The following SKA2 variants were observed in gnomAD, a reference collection of about 807,000 sequenced individuals.
SKA2 encodes the protein spindle and kinetochore associated complex subunit 2, also known as spindle and kinetochore-associated protein 2.
Under a neutral mutation model 16.9 loss-of-function variants are expected in SKA2, and 13 were observed. That is an observed-to-expected ratio of 0.77 (90% confidence interval 0.50 to 1.22). The LOEUF is 1.22. Among genes scored for constraint, SKA2 ranks in the 50% most tolerant of loss-of-function variants. The pLI, the probability that SKA2 is intolerant of heterozygous loss-of-function variation, is 0.00. For missense variants in SKA2, 107 were observed against 139.7 expected (o/e 0.77, Z 1.18); for synonymous variants, 47 against 48.5 (o/e 0.97, Z 0.13).
At chr17:59,144,741 A>G (rs1262985004) in intron 1 of SKA2, among the ~76,000 whole-genome samples, 1 of 152,186 alleles carries the variant, frequency 6.6e-6, no homozygotes, top group Non-Finnish European at 1.5e-5. Flanking sequence ...GACAGATAGT[A>G]GAATGGTAGT....
At chr17:59,130,677 G>T (rs2046406353) in intron 2 of SKA2, among the ~76,000 whole-genome samples, 1 of 151,528 alleles carries the variant, frequency 6.6e-6, no homozygotes, top group Non-Finnish European at 1.5e-5. Context: ...GGGCTTTGGG[G>T]AAAAAAAGAT....
intron 1 of SKA2, among the ~76,000 whole-genome samples, chr17:59,132,781 TTG>T (rs1297808965): frequency 6.6e-6 from 1 of 152,236 alleles, no homozygotes; most frequent in Non-Finnish European, 1.5e-5. Flanking sequence ...TCTGTAGTAT[TTG>T]TAATGAGCAG....
At chr17:59,127,937 G>C (rs573892817) in intron 2 of SKA2, among the ~76,000 whole-genome samples, 72 of 152,254 alleles carry the variant, frequency 4.7e-4, no homozygotes, top group African/African-American at 1.7e-3. Context: ...TGGAGTATGG[G>C]CCGGGCACGG....
chr17:59,140,266 G>GT (rs1481157805), intron 1 of SKA2, among the ~76,000 whole-genome samples: 1 of 148,022 alleles, frequency 6.8e-6, no homozygotes, highest in Admixed American at 6.8e-5. Context: ...TCTCGCTCTT[G>GT]TCCCCCAGGC....
intron 2 of SKA2, among the ~76,000 whole-genome samples, chr17:59,130,181 G>T (rs2046402588): frequency 6.6e-6 from 1 of 151,942 alleles, no homozygotes; most frequent in African/African-American, 2.4e-5. Flanking sequence ...GAACATTCGT[G>T]AAATTTTCCC....
intron 2 of SKA2, among the ~76,000 whole-genome samples, chr17:59,127,137 T>TAC (rs148701597): frequency 0.021 from 3,167 of 152,086 alleles, 42 homozygotes; most frequent in Middle Eastern, 0.044. Context: ...TTAATGGATA[T>TAC]ACAGTTACAA....
intron 1 of SKA2, among the ~76,000 whole-genome samples, chr17:59,146,599 G>C (rs2046534195): frequency 6.6e-6 from 1 of 152,170 alleles, no homozygotes; most frequent in Non-Finnish European, 1.5e-5. Flanking sequence ...AGATAAATTA[G>C]AAGTACGAGC....
At chr17:59,142,198 ACAAT>A (rs757136666) in intron 1 of SKA2, among the ~76,000 whole-genome samples, 37 of 152,076 alleles carry the variant, frequency 2.4e-4, no homozygotes, top group Non-Finnish European at 4.9e-4. Flanking sequence ...TTCTTTGAGA[ACAAT>A]CAGAGTAGGT....
intron 2 of SKA2, among the ~76,000 whole-genome samples, chr17:59,128,114 C>G (rs2046383979): frequency 6.6e-6 from 1 of 151,478 alleles, no homozygotes; most frequent in South Asian, 2.1e-4. Context: ...ACTCAGGAGG[C>G]TGAGGCAGGA....
chr17:59,129,944 AGAGGGAAG>A (rs1374425113), intron 2 of SKA2, among the ~76,000 whole-genome samples: 2 of 129,550 alleles, frequency 1.5e-5, no homozygotes, highest in South Asian at 3.0e-4. Context: ...AAGGAGAGAA[AGAGGGAAG>A]GAGGGAAGGA....
chr17:59,141,975 G>C (rs928271945), intron 1 of SKA2, among the ~76,000 whole-genome samples: 1 of 152,084 alleles, frequency 6.6e-6, no homozygotes, highest in African/African-American at 2.4e-5. Context: ...CATGGAGCTA[G>C]AGGAAACATA....
intron 1 of SKA2, among the ~76,000 whole-genome samples, chr17:59,143,182 A>T (rs2046505715): frequency 6.6e-6 from 1 of 151,952 alleles, no homozygotes; most frequent in Non-Finnish European, 1.5e-5. Context: ...GGAGCTGTTG[A>T]ATTTCCCTAT....
chr17:59,112,474 A>G (rs933230605), intron 3 of SKA2, 129 bp from the exon 4 acceptor site: 10 of 650,318 alleles, frequency 1.5e-5, no homozygotes, highest in African/African-American at 5.6e-5. Flanking sequence ...TCACAGATTT[A>G]GAAAGGCAAG....
intron 1 of SKA2, chr17:59,137,746 T>C (rs2147811678): frequency 1.9e-6 from 1 of 524,166 alleles, no homozygotes; most frequent in Non-Finnish European, 3.9e-6. Context: ...TTCTGCTACA[T>C]ACTTTCTGCA....
At chr17:59,154,355 CCCA>C (rs2046603916) in intron 1 of SKA2, among the ~76,000 whole-genome samples, 1 of 152,000 alleles carries the variant, frequency 6.6e-6, no homozygotes, top group Non-Finnish European at 1.5e-5. Context: ...AGGACAGCCC[CCCA>C]GCTGGGCGCC....
intron 2 of SKA2, among the ~76,000 whole-genome samples, chr17:59,129,921 G>A (rs1402161020): frequency 8.2e-6 from 1 of 122,082 alleles, no homozygotes; most frequent in Non-Finnish European, 1.7e-5. Context: ...GGGAGGGAGG[G>A]AAGGAAGGAA....
chr17:59,119,205 A>G, intron 3 of SKA2, 114 bp downstream of exon 3: 2 of 1,150,930 alleles, frequency 1.7e-6, no homozygotes, highest in Non-Finnish European at 2.4e-6. Context: ...AAAATCTTTC[A>G]ATAGTTCAAA....
At position 59,112,295 on chromosome 17, in the gene SKA2, A is replaced by C. The variant is rs751281331; in HGVS notation, c.348T>G (p.Phe116Leu). 46 of 1,610,524 alleles carry C rather than the reference A, an allele frequency of 2.9e-5. No individual in the cohort carries two copies. In the East Asian group the frequency reaches 1.0e-3, roughly 35 times the overall value. The change falls in exon 4 of 4, where the codon TTT becomes TTG. Residue 116 changes from phenylalanine to leucine, a missense_variant. Physicochemically the swap from Phe to Leu is conservative, Grantham distance 22 (BLOSUM62 0). Coordinates refer to ENST00000330137, the MANE Select transcript of SKA2 (RefSeq NM_182620.4). ...CATTTCTTCATAAATCTGGCATGTG[A>C]AATTTGAATTGCTCTGCCGCAGTTT... ...EEKTAAEQFK[F>L]HMPDL
intron 1 of SKA2, among the ~76,000 whole-genome samples, chr17:59,138,363 A>G (rs541134381): frequency 5.4e-4 from 82 of 151,804 alleles, no homozygotes; most frequent in African/African-American, 1.9e-3. Flanking sequence ...AAATGGTCCA[A>G]TGAATTTTGG....
Sources: allele counts gnomAD v4.1 joint callset (sites outside exome capture counted in the v4.1 genomes callset), GRCh38; gene constraint gnomAD v4.1.1; transcripts MANE v1.5; gene names NCBI Gene and HGNC (gene_info 2026-07-23, HGNC 2026-07-21).